TMEM38B: variants seen among roughly 807,000 people sequenced by gnomAD.
TMEM38B encodes transmembrane protein 38B.
TMEM38B carries 24 observed loss-of-function variants against 28.7 expected under a neutral mutation model. The observed-to-expected ratio is 0.84, with a 90% CI of 0.61 to 1.18. TMEM38B has a LOEUF of 1.18. Ranked by LOEUF, TMEM38B falls within the 50% of genes most tolerant of loss-of-function variation. The pLI is 0.00. For synonymous variants in TMEM38B, 131 were observed against 127.7 expected, an observed-to-expected ratio of 1.03 and a Z score of -0.17; for missense variants, 380 against 350.9, an observed-to-expected ratio of 1.08 and a Z score of -0.66.
intron 4 of TMEM38B, among the ~76,000 whole-genome samples, chr9:105,739,992 C>G (rs1370925625): frequency 6.6e-6 from 1 of 151,938 alleles, no homozygotes; most frequent in Admixed American, 6.6e-5. Context: ...AAGTGATTCT[C>G]CTGCCTCAGC....
intron 4 of TMEM38B, 149 bp from the exon 5 acceptor site, chr9:105,747,922 TCA>T: frequency 1.8e-6 from 1 of 559,216 alleles, no homozygotes; most frequent in East Asian, 3.0e-5. Flanking sequence ...CTCAGCACTT[TCA>T]ACACTTTTTA....
rs187185639 is a variant in TMEM38B, at chr9:105,708,649, G to A, written c.269+2896G>A. The stretch of plus-strand genomic sequence containing the variant: ...ACATGAGCTTTGCTATTTCTTGAAT[G>A]TTCCAACGTAAGGTATTCTTCTACC... On this transcript the variant is annotated intron_variant, in intron 2 of 5. Coordinates refer to ENST00000374692, the MANE Select transcript of TMEM38B (RefSeq NM_018112.3). Among the ~76,000 whole-genome samples, 171 of 152,192 alleles carry A rather than the reference G, an allele frequency of 1.1e-3. 1 individual carries two copies. Among genetic ancestry groups the A allele is most frequent in the African/African-American group, 3.8e-3 (157 of 41,534 alleles).
chr9:105,752,237 C>A (rs1837680932), intron 5 of TMEM38B, among the ~76,000 whole-genome samples: 2 of 152,152 alleles, frequency 1.3e-5, no homozygotes, highest in Admixed American at 6.5e-5. Context: ...GTTGACTCAT[C>A]CATTCTAGGC....
chr9:105,754,903 CAAAT>C (rs1237490797), intron 5 of TMEM38B, among the ~76,000 whole-genome samples: 1 of 152,102 alleles, frequency 6.6e-6, no homozygotes, highest in African/African-American at 2.4e-5. Context: ...AGAGAAGAAT[CAAAT>C]AAACACAATC....
At position 105,775,986 on chromosome 9, in the gene TMEM38B, CT is replaced by C. The variant is rs1564424443; in HGVS notation, c.*1910del. 1 of 152,128 alleles carries C rather than the reference CT, an allele frequency of 6.6e-6. No individual in the cohort carries two copies. Among genetic ancestry groups the C allele is most frequent in the East Asian group, 1.9e-4 (1 of 5,192 alleles). 9.4% of individuals were successfully genotyped at this position (152,128 alleles called of 1,614,324 possible). A position where few individuals can be genotyped will look rare whatever the true frequency, so the allele number is the denominator to read the frequency against. The stretch of plus-strand genomic sequence containing the variant: ...ATCCTATAACCCTCAATTCAAGGCT[CT>C]TTTGTAAAAAATGTACTGGAGAACA... On this transcript the variant is annotated 3_prime_UTR_variant, in exon 6 of 6. Transcript: ENST00000374692.
At chr9:105,712,873 C>G (rs910689503) in intron 2 of TMEM38B, among the ~76,000 whole-genome samples, 1 of 152,228 alleles carries the variant, frequency 6.6e-6, no homozygotes, top group Non-Finnish European at 1.5e-5. Flanking sequence ...AGGCTGGTTC[C>G]TGCACCGGCC....
chr9:105,772,326 TGTA>T (rs2133657742), intron 5 of TMEM38B, among the ~76,000 whole-genome samples: 1 of 152,306 alleles, frequency 6.6e-6, no homozygotes, highest in South Asian at 2.1e-4. Flanking sequence ...CTCTTTGGGC[TGTA>T]TTGACCTCAG....
intron 1 of TMEM38B, among the ~76,000 whole-genome samples, chr9:105,699,119 A>G (rs1033609567): frequency 5.3e-5 from 8 of 151,988 alleles, no homozygotes; most frequent in African/African-American, 1.7e-4. Flanking sequence ...CTTCTAACTC[A>G]TTTTGAATAA....
chr9:105,698,273 G>A (rs1269252129), intron 1 of TMEM38B, among the ~76,000 whole-genome samples: 1 of 152,084 alleles, frequency 6.6e-6, no homozygotes, highest in African/African-American at 2.4e-5. Context: ...TAATGATAGT[G>A]AGTGACTTTG....
intron 4 of TMEM38B, among the ~76,000 whole-genome samples, chr9:105,732,159 AT>A (rs1411013189): frequency 6.6e-6 from 1 of 151,620 alleles, no homozygotes; most frequent in Non-Finnish European, 1.5e-5. Context: ...GGGTTGTTTG[AT>A]TTTTTTCTTG....
intron 2 of TMEM38B, among the ~76,000 whole-genome samples, chr9:105,714,375 T>G (rs543487733): frequency 6.6e-6 from 1 of 152,306 alleles, no homozygotes; most frequent in East Asian, 1.9e-4. Flanking sequence ...GGACAAGAGC[T>G]TGGTCAAGGG....
chr9:105,699,989 CTT>C (rs946374336), intron 1 of TMEM38B, among the ~76,000 whole-genome samples: 10 of 152,170 alleles, frequency 6.6e-5, no homozygotes, highest in African/African-American at 2.4e-4. Flanking sequence ...TTAAATGTCT[CTT>C]AAGTCTTCAT....
chr9:105,697,145 A>G (rs949840679), intron 1 of TMEM38B, among the ~76,000 whole-genome samples: 83 of 152,342 alleles, frequency 5.4e-4, no homozygotes, highest in African/African-American at 1.9e-3. Flanking sequence ...CAGTCATTCA[A>G]CTACCATCAC....
At chr9:105,755,553 C>G (rs546550687) in intron 5 of TMEM38B, among the ~76,000 whole-genome samples, 1 of 152,146 alleles carries the variant, frequency 6.6e-6, no homozygotes, top group African/African-American at 2.4e-5. Context: ...GGATCACTAC[C>G]ATTGCCATAT....
chr9:105,698,881 C>T lies in TMEM38B; in HGVS notation c.112+4109C>T, dbSNP rs75678187. On this transcript the variant is annotated intron_variant, in intron 1 of 5. Transcript: ENST00000374692. ...TAATGGGTAAATCTTATTTTTTTTC[C>T]AATCCAGACCTAAGTCATTTTGGTA... is the stretch of plus-strand genomic sequence containing the variant. 8.0e-3 allele frequency among the ~76,000 whole-genome samples: 1,222 copies of T among 151,862 alleles called. 43 individuals are homozygous for T. The East Asian group carries it at 0.092, about 11-fold the overall frequency.
intron 4 of TMEM38B, among the ~76,000 whole-genome samples, chr9:105,744,160 G>A (rs1588445282): frequency 6.6e-6 from 1 of 151,886 alleles, no homozygotes; most frequent in Non-Finnish European, 1.5e-5. Context: ...GAATTCGTAT[G>A]TAAAATATAA....
At chr9:105,718,286 T>A (rs935254461) in intron 2 of TMEM38B, among the ~76,000 whole-genome samples, 1 of 152,020 alleles carries the variant, frequency 6.6e-6, no homozygotes, top group Non-Finnish European at 1.5e-5. Flanking sequence ...TTGCCTAGGC[T>A]GGAGTGCAAT....
intron 5 of TMEM38B, among the ~76,000 whole-genome samples, chr9:105,761,932 T>G (rs971505444): frequency 4.6e-5 from 7 of 152,190 alleles, no homozygotes; most frequent in African/African-American, 9.6e-5. Flanking sequence ...AGAAAATGCT[T>G]GCCGAGTATA....
intron 2 of TMEM38B, among the ~76,000 whole-genome samples, chr9:105,711,539 A>G (rs1056552291): frequency 6.6e-6 from 1 of 151,762 alleles, no homozygotes; most frequent in African/African-American, 2.4e-5. Flanking sequence ...TGTAACCACT[A>G]CCCAAATCAA....
Sources: allele counts gnomAD v4.1 joint callset (sites outside exome capture counted in the v4.1 genomes callset), GRCh38; gene constraint gnomAD v4.1.1; transcripts MANE v1.5; gene names NCBI Gene and HGNC (gene_info 2026-07-23, HGNC 2026-07-21).